Variants in RNLS observed in about 807,000 individuals in gnomAD.
RNLS encodes renalase, FAD dependent amine oxidase.
RNLS carries 39 observed loss-of-function variants against 39.8 expected under a neutral mutation model. The ratio of observed to expected loss-of-function variants is 0.98; its 90% confidence interval spans 0.76 to 1.28. The LOEUF (loss-of-function observed/expected upper bound fraction) is 1.28, where lower values mean the gene tolerates loss of function less well. Among genes scored for constraint, RNLS ranks in the 50% most tolerant of loss-of-function variants. The probability of loss-of-function intolerance (pLI) is 0.00; values close to 1 mark genes in which losing one functional copy is unlikely to be tolerated. For missense variants in RNLS, 410 were observed against 413.3 expected, an observed-to-expected ratio of 0.99 and a Z score of 0.07; for synonymous variants, 147 against 150.7, an observed-to-expected ratio of 0.98 and a Z score of 0.18.
chr10:88,274,841 C>T, exon 7 of RNLS: 2 of 716,912 alleles, frequency 2.8e-6, no homozygotes, highest in South Asian at 3.2e-5. Flanking sequence ...TCTCCACATC[C>T]TTGCCAACAT....
At chr10:88,457,147 C>A (rs1311793751) in intron 4 of RNLS, among the ~76,000 whole-genome samples, 3 of 152,172 alleles carry the variant, frequency 2.0e-5, no homozygotes, top group Non-Finnish European at 4.4e-5. Context: ...CATGAATTTT[C>A]ATTTGGTGGT....
At chr10:88,504,469 A>C (rs1845676334) in intron 4 of RNLS, among the ~76,000 whole-genome samples, 1 of 152,152 alleles carries the variant, frequency 6.6e-6, no homozygotes, top group South Asian at 2.1e-4. Context: ...GCACAGGAAA[A>C]TAAACCTGAA....
chr10:88,180,737 A>T, the RNLS span, among the ~76,000 whole-genome samples: 101 of 152,328 alleles, frequency 6.6e-4, 1 homozygote, highest in Admixed American at 2.6e-3. Context: ...ACAAGTATTG[A>T]ACAGATGTAG....
At chr10:88,366,817 T>C (rs1052022468) in intron 4 of RNLS, among the ~76,000 whole-genome samples, 5 of 151,780 alleles carry the variant, frequency 3.3e-5, no homozygotes, top group Admixed American at 6.6e-5. Context: ...TTAACCAATT[T>C]ACCTTTTGCA....
At chr10:88,239,527 G>T in the RNLS span, among the ~76,000 whole-genome samples, 1 of 152,218 alleles carries the variant, frequency 6.6e-6, no homozygotes, top group Admixed American at 6.5e-5. Context: ...GTGCCTGAAT[G>T]AATTTCCTTA....
At chr10:88,344,582 A>G (rs966436078) in intron 5 of RNLS, among the ~76,000 whole-genome samples, 7 of 152,148 alleles carry the variant, frequency 4.6e-5, no homozygotes, top group African/African-American at 1.4e-4. Flanking sequence ...AGAAACTACT[A>G]TTATGAATAC....
chr10:88,364,351 T>C (rs1849880247), intron 4 of RNLS, among the ~76,000 whole-genome samples: 1 of 152,164 alleles, frequency 6.6e-6, no homozygotes, highest in Admixed American at 6.5e-5. Flanking sequence ...CAATAAATTA[T>C]TATAGCACAG....
intron 6 of RNLS, among the ~76,000 whole-genome samples, chr10:88,313,989 C>G (rs1005321979): frequency 1.3e-5 from 2 of 152,146 alleles, no homozygotes; most frequent in Non-Finnish European, 2.9e-5. Flanking sequence ...TCTCTCTCCC[C>G]CAGAGAGCTC....
At chr10:88,236,498 C>T in the RNLS span, among the ~76,000 whole-genome samples, 17 of 152,158 alleles carry the variant, frequency 1.1e-4, no homozygotes, top group African/African-American at 3.9e-4. Flanking sequence ...GATAGTAGCC[C>T]TCCAGATATA....
At chr10:88,416,671 T>C (rs1854048890) in intron 4 of RNLS, among the ~76,000 whole-genome samples, 4 of 152,220 alleles carry the variant, frequency 2.6e-5, no homozygotes, top group Admixed American at 1.3e-4. Context: ...TTTTTGTACT[T>C]GAAAAACCCC....
At chr10:88,311,655 C>G (rs1345726862) in intron 6 of RNLS, among the ~76,000 whole-genome samples, 1 of 152,182 alleles carries the variant, frequency 6.6e-6, no homozygotes, top group Non-Finnish European at 1.5e-5. Flanking sequence ...AGACAAACTT[C>G]AATTTAGAGT....
intron 6 of RNLS, among the ~76,000 whole-genome samples, chr10:88,295,072 A>G (rs969274499): frequency 2.6e-5 from 4 of 152,166 alleles, no homozygotes; most frequent in African/African-American, 4.8e-5. Flanking sequence ...TTCTTAAAAC[A>G]GTTGATTCTC....
the RNLS span, among the ~76,000 whole-genome samples, chr10:88,230,246 C>T: frequency 3.9e-5 from 6 of 152,020 alleles, no homozygotes; most frequent in African/African-American, 1.4e-4. Context: ...AACAAACAAA[C>T]AAAAACAAAA....
At chr10:88,545,332 T>G (rs557685812) in intron 4 of RNLS, 12 of 379,664 alleles carry the variant, frequency 3.2e-5, no homozygotes, top group Non-Finnish European at 6.2e-5. Flanking sequence ...CATACTGCTA[T>G]GAAGAAACAC....
intron 4 of RNLS, among the ~76,000 whole-genome samples, chr10:88,468,421 T>G (rs1783321645): frequency 6.6e-6 from 1 of 152,156 alleles, no homozygotes; most frequent in Admixed American, 6.6e-5. Flanking sequence ...CTAACGAGAA[T>G]GTATGTCAAC....
At position 88,284,948 on chromosome 10, in the gene RNLS, C is replaced by A; in HGVS notation, c.*406G>T. The A allele has an allele frequency of 1.0e-6, 1 of 987,398 alleles. No individual in the cohort carries two copies. Among genetic ancestry groups the A allele is most frequent in the Non-Finnish European group, 1.2e-6 (1 of 831,394 alleles). 61.2% of individuals were successfully genotyped at this position (987,398 alleles called of 1,614,324 possible). On this transcript the variant is annotated 3_prime_UTR_variant, in exon 7 of 7. Coordinates refer to ENST00000331772, the MANE Select transcript of RNLS (RefSeq NM_001031709.3). Reference sequence around the variant, plus strand: ...AAAAATATTGATTCAAGGACACATCCGAAGACTTAAGATGGGGCTTTGATA... The same window carrying A: ...AAAAATATTGATTCAAGGACACATCAGAAGACTTAAGATGGGGCTTTGATA...
Position 88,372,994 on chromosome 10 carries a change from A to G in RNLS, c.527-10269T>C, listed in dbSNP as rs190754242. Among the ~76,000 whole-genome samples, 59 of 152,192 alleles carry G rather than the reference A, an allele frequency of 3.9e-4. No individual in the cohort carries two copies. In the Middle Eastern group the frequency reaches 0.01, roughly 26 times the overall value. ...ATGAAAATAAAACATTGTGTGTGCT[A>G]TTATACAAAATGTCACAGAATATCA... On this transcript the variant is annotated intron_variant, in intron 4 of 6. Coordinates refer to ENST00000331772, the MANE Select transcript of RNLS (RefSeq NM_001031709.3).
At chr10:88,520,464 C>A (rs960509826) in intron 4 of RNLS, among the ~76,000 whole-genome samples, 9 of 151,956 alleles carry the variant, frequency 5.9e-5, no homozygotes, top group Non-Finnish European at 1.2e-4. Context: ...AACGTGTGGG[C>A]ATTTGGGTGA....
intron 4 of RNLS, among the ~76,000 whole-genome samples, chr10:88,366,743 G>A (rs1342887759): frequency 6.6e-6 from 1 of 150,478 alleles, no homozygotes; most frequent in Non-Finnish European, 1.5e-5. Flanking sequence ...AGCTGAGCGG[G>A]CATAATAACC....
Sources: allele counts gnomAD v4.1 joint callset (sites outside exome capture counted in the v4.1 genomes callset), GRCh38; gene constraint gnomAD v4.1.1; transcripts MANE v1.5; gene names NCBI Gene and HGNC (gene_info 2026-07-23, HGNC 2026-07-21).